Variants in BNC2 observed in about 807,000 individuals in gnomAD.
The protein encoded by BNC2 is basonuclin zinc finger protein 2.
Under a neutral mutation model 76.3 loss-of-function variants are expected in BNC2, and 20 were observed. The observed-to-expected ratio is 0.26, with a 90% CI of 0.18 to 0.38. The LOEUF (loss-of-function observed/expected upper bound fraction) is 0.38. Ranked by LOEUF, BNC2 falls within the 10% of genes least tolerant of loss-of-function variation. BNC2 has a pLI of 1.00. For missense variants in BNC2, 1,382 were observed against 1,399.8 expected (o/e 0.99, Z 0.20); for synonymous variants, 582 against 514.8 (o/e 1.13, Z -1.77).
chr9:16,795,221 G>A (rs1057177672), intron 1 of BNC2, among the ~76,000 whole-genome samples: 43 of 151,952 alleles, frequency 2.8e-4, no homozygotes, highest in Admixed American at 2.4e-3. Flanking sequence ...CAGTGTAGGC[G>A]GAAAAGAATA....
At position 16,419,451 on chromosome 9, in the gene BNC2, C is replaced by T. The variant is rs200224415; in HGVS notation, c.2838G>A (p.Leu946=). The T allele has an allele frequency of 1.9e-6, 3 of 1,612,804 alleles. No homozygotes were observed. In the East Asian group the frequency reaches 6.7e-5, roughly 36 times the overall value. Residue 946 remains leucine, a synonymous_variant, in exon 7 of 7, where the codon CTG becomes CTA. Transcript: ENST00000380672. The part of the protein sequence containing the change: ...SSPAGTEDSH[L]NGYGRGMAED... ...CTGCCATGCCTCTCCCATACCCGTT[C>T]AGGTGGGAGTCTTCAGTCCCTGCGG...
chr9:16,859,057 C>G (rs1252292550), intron 1 of BNC2, among the ~76,000 whole-genome samples: 1 of 151,796 alleles, frequency 6.6e-6, no homozygotes, highest in Non-Finnish European at 1.5e-5. Flanking sequence ...ATAGATATGT[C>G]CACAAAGAGG....
intron 5 of BNC2, among the ~76,000 whole-genome samples, chr9:16,479,993 G>A (rs1033392138): frequency 6.6e-6 from 1 of 152,184 alleles, no homozygotes; most frequent in South Asian, 2.1e-4. Flanking sequence ...AATAAGTATA[G>A]CAGCTATTAT....
intron 1 of BNC2, among the ~76,000 whole-genome samples, chr9:16,780,682 C>T (rs912363573): frequency 3.3e-5 from 5 of 152,008 alleles, no homozygotes; most frequent in Non-Finnish European, 5.9e-5. Flanking sequence ...CTATGATGTA[C>T]TGGACAGTAA....
At chr9:16,767,773 T>G (rs1825736541) in intron 1 of BNC2, among the ~76,000 whole-genome samples, 2 of 152,164 alleles carry the variant, frequency 1.3e-5, no homozygotes, top group Admixed American at 1.3e-4. Context: ...CTTCAACAAT[T>G]ATCAGCACAT....
At chr9:16,660,365 A>G (rs1236511991) in intron 3 of BNC2, among the ~76,000 whole-genome samples, 1 of 152,056 alleles carries the variant, frequency 6.6e-6, no homozygotes, top group Non-Finnish European at 1.5e-5. Flanking sequence ...GAGGAAGGAG[A>G]ATAGCTTGAA....
intron 5 of BNC2, among the ~76,000 whole-genome samples, chr9:16,507,630 T>A (rs1421378945): frequency 1.3e-5 from 2 of 152,144 alleles, no homozygotes; most frequent in Admixed American, 6.5e-5. Context: ...GGTTTCATTA[T>A]GTTGGCCAGG....
At chr9:16,848,780 G>C (rs1469686253) in intron 1 of BNC2, among the ~76,000 whole-genome samples, 1 of 152,146 alleles carries the variant, frequency 6.6e-6, no homozygotes, top group Non-Finnish European at 1.5e-5. Flanking sequence ...ATCATAAAAT[G>C]CTCTAAAATC....
At chr9:16,557,084 CTG>C (rs1818857542) in intron 4 of BNC2, among the ~76,000 whole-genome samples, 1 of 152,036 alleles carries the variant, frequency 6.6e-6, no homozygotes, top group African/African-American at 2.4e-5. Flanking sequence ...GCCAATGGCG[CTG>C]TGGAAAAGGT....
At chr9:16,523,493 C>A (rs58036456) in intron 5 of BNC2, among the ~76,000 whole-genome samples, 24,017 of 119,928 alleles carry the variant, frequency 0.2, 2,154 homozygotes, top group African/African-American at 0.28. Flanking sequence ...AAAAACAAAA[C>A]AAAAAAAAAC....
At chr9:16,818,819 G>A (rs1038501269) in intron 1 of BNC2, among the ~76,000 whole-genome samples, 2 of 152,024 alleles carry the variant, frequency 1.3e-5, no homozygotes, top group African/African-American at 4.8e-5. Flanking sequence ...GTGCCACAGT[G>A]CCTGGAATGA....
At chr9:16,534,627 G>T (rs114943831) in intron 5 of BNC2, among the ~76,000 whole-genome samples, 85 of 152,094 alleles carry the variant, frequency 5.6e-4, no homozygotes, top group African/African-American at 1.9e-3. Context: ...TTGTAGGTAG[G>T]TATACTCTTT....
Position 16,427,282 on chromosome 9 carries a change from G to A in BNC2, c.2640-7633C>T, listed in dbSNP as rs1388469651. Among the ~76,000 whole-genome samples the A allele has an allele frequency of 3.9e-5, 6 of 152,118 alleles. No homozygotes were observed. In the South Asian group the frequency reaches 1.2e-3, roughly 32 times the overall value. On this transcript the variant is annotated intron_variant, in intron 6 of 6. Transcript: ENST00000380672. ...TTAGTGAAGTTATAATGGCCAACAG[G>A]CAGAAGCAAAATTGGTCAAAAAGTT...
chr9:16,439,595 T>C (rs1160888220), intron 5 of BNC2, among the ~76,000 whole-genome samples: 2 of 152,204 alleles, frequency 1.3e-5, no homozygotes, highest in East Asian at 3.8e-4. Flanking sequence ...GGATCTGTAC[T>C]GCTTTTGCAA....
intron 3 of BNC2, among the ~76,000 whole-genome samples, chr9:16,601,115 A>G (rs1296224835): frequency 2.0e-5 from 3 of 152,200 alleles, no homozygotes; most frequent in Non-Finnish European, 4.4e-5. Flanking sequence ...GCTATGAACC[A>G]AATGTCTCCA....
intron 1 of BNC2, among the ~76,000 whole-genome samples, chr9:16,754,796 G>A (rs1402855491): frequency 6.6e-6 from 1 of 152,164 alleles, no homozygotes; most frequent in Non-Finnish European, 1.5e-5. Context: ...CACCTCAGGT[G>A]ATCTGCCTGC....
intron 4 of BNC2, among the ~76,000 whole-genome samples, chr9:16,555,226 T>C (rs113423139): frequency 0.03 from 4,539 of 151,772 alleles, 234 homozygotes; most frequent in African/African-American, 0.1. Context: ...GGTTTCACCA[T>C]GTTAGCCAGG....
At chr9:16,741,048 AAAT>A (rs1824833542) in intron 1 of BNC2, among the ~76,000 whole-genome samples, 1 of 152,196 alleles carries the variant, frequency 6.6e-6, no homozygotes, top group South Asian at 2.1e-4. Context: ...GGTGCTCAAT[AAAT>A]AACAGCTACA....
chr9:16,867,422 TG>T (rs1819570210), intron 1 of BNC2: 1 of 152,170 alleles, frequency 6.6e-6, no homozygotes, highest in Non-Finnish European at 1.5e-5. Flanking sequence ...ATAATACAGT[TG>T]AAGTATGCCA....
Sources: allele counts gnomAD v4.1 joint callset (sites outside exome capture counted in the v4.1 genomes callset), GRCh38; gene constraint gnomAD v4.1.1; transcripts MANE v1.5; gene names NCBI Gene and HGNC (gene_info 2026-07-23, HGNC 2026-07-21).